The following BRI3BP variants were observed in gnomAD, a reference collection of about 807,000 sequenced individuals.
The protein encoded by BRI3BP is BRI3-binding protein.
In BRI3BP, 7 loss-of-function variants were observed where a neutral mutation model predicts 15.8. The ratio of observed to expected loss-of-function variants is 0.44; its 90% confidence interval spans 0.25 to 0.83. BRI3BP has a LOEUF of 0.83. Among genes scored for constraint, BRI3BP ranks in the 40% least tolerant of loss-of-function variants. The pLI is 0.20. For synonymous variants in BRI3BP, 192 were observed against 163.5 expected (o/e 1.17, Z -1.33); for missense variants, 320 against 339.3 (o/e 0.94, Z 0.45).
chr12:125,037,409 G>A, the BRI3BP span, among the ~76,000 whole-genome samples: 2 of 152,348 alleles, frequency 1.3e-5, no homozygotes, highest in South Asian at 2.1e-4. Flanking sequence ...TAGCAGATTG[G>A]CAACCTGTGG....
At chr12:125,009,283 C>CTTTTTTTTTTTTT (rs1217778458) in intron 1 of BRI3BP, among the ~76,000 whole-genome samples, 5 of 66,568 alleles carry the variant, frequency 7.5e-5, no homozygotes, top group African/African-American at 2.3e-4. Context: ...ACCCAGCCAT[C>CTTTTTTTTTTTTT]TTTTTTTTTT....
At chr12:125,035,023 C>T (rs530220896), downstream of BRI3BP, among the ~76,000 whole-genome samples, 1 of 152,304 alleles carries the variant, frequency 6.6e-6, no homozygotes, top group East Asian at 1.9e-4. Context: ...CAATAGTTCA[C>T]TCTTTTTCAT....
intron 2 of BRI3BP, among the ~76,000 whole-genome samples, chr12:125,021,823 C>G (rs964611402): frequency 6.6e-6 from 1 of 152,150 alleles, no homozygotes; most frequent in Non-Finnish European, 1.5e-5. Flanking sequence ...ATCCAATCAC[C>G]TCCTACCAGG....
At chr12:125,051,085 G>A in the BRI3BP span, among the ~76,000 whole-genome samples, 1 of 152,228 alleles carries the variant, frequency 6.6e-6, no homozygotes, top group Non-Finnish European at 1.5e-5. Flanking sequence ...TTAGAATCAA[G>A]ACAGCAGAGC....
downstream of BRI3BP, among the ~76,000 whole-genome samples, chr12:125,035,666 G>A (rs1446395219): frequency 6.6e-6 from 1 of 152,106 alleles, no homozygotes; most frequent in Non-Finnish European, 1.5e-5. Flanking sequence ...GATTACAGGT[G>A]TGAGCCGCCA....
intron 1 of BRI3BP, among the ~76,000 whole-genome samples, chr12:125,011,200 T>C (rs1375880885): frequency 1.3e-5 from 2 of 151,286 alleles, no homozygotes; most frequent in Non-Finnish European, 2.9e-5. Context: ...GGCAGCACTC[T>C]GCGTGATGCA....
the BRI3BP span, among the ~76,000 whole-genome samples, chr12:125,047,644 G>C: frequency 3.3e-5 from 5 of 152,014 alleles, no homozygotes; most frequent in African/African-American, 1.2e-4. Context: ...TTTAAGTGCT[G>C]GGATTACAGG....
intron 1 of BRI3BP, among the ~76,000 whole-genome samples, chr12:124,996,457 G>A (rs151097056): frequency 1.8e-4 from 28 of 151,774 alleles, no homozygotes; most frequent in African/African-American, 6.0e-4. Flanking sequence ...GTGAGTAGCC[G>A]GGATTACAAG....
intron 2 of BRI3BP, 42 bp downstream of exon 2, chr12:125,012,678 T>C: frequency 6.8e-7 from 1 of 1,478,988 alleles, no homozygotes; most frequent in Non-Finnish European, 9.5e-7. Context: ...TCATTCTATT[T>C]TGGTGGTTCT....
At chr12:125,018,782 C>T (rs140431792) in intron 2 of BRI3BP, among the ~76,000 whole-genome samples, 20 of 151,596 alleles carry the variant, frequency 1.3e-4, no homozygotes, top group African/African-American at 4.4e-4. Context: ...TGAGTTCAAG[C>T]GATTCTAGTA....
Position 125,025,380 on chromosome 12 carries a change from A to G in BRI3BP, c.706A>G (p.Ile236Val), listed in dbSNP as rs770697023. 3.1e-6 allele frequency: 5 copies of G among 1,611,686 alleles called. No individual in the cohort carries two copies. In the Admixed American group the frequency reaches 6.7e-5, roughly 22 times the overall value. ...HLEKQVRLLN[I>V]RLNRVLESLD... ...GGAGAAGCAGGTCAGACTGCTCAAC[A>G]TCCGTCTCAACCGGGTGCTCGAGAG... Residue 236 changes from isoleucine to valine, a missense_variant, in exon 3 of 3, where the codon ATC (isoleucine) becomes GTC (valine). Transcript: ENST00000341446.
rs1182319789 is a variant in BRI3BP, at chr12:125,012,680, G to T, written c.316+44G>T. ...TTCACGTAAGGTGTCATTCTATTTT[G>T]GTGGTTCTCATAGTGTGGAACTGGT... On this transcript the variant is annotated intron_variant, in intron 2 of 2. Coordinates refer to ENST00000341446, the MANE Select transcript of BRI3BP (RefSeq NM_080626.6). The T allele has an allele frequency of 2.7e-6, 4 of 1,475,348 alleles. No individual in the cohort carries two copies. In the African/African-American group the frequency reaches 5.6e-5, roughly 21 times the overall value. The allele number at this position is 1,475,348 out of a possible 1,614,324, so 91.4% of individuals were successfully genotyped here.
chr12:125,014,043 G>A (rs1402379994), intron 2 of BRI3BP, among the ~76,000 whole-genome samples: 1 of 152,148 alleles, frequency 6.6e-6, no homozygotes, highest in Non-Finnish European at 1.5e-5. Flanking sequence ...TGCCCAGGGT[G>A]TACAGCTTTT....
downstream of BRI3BP, among the ~76,000 whole-genome samples, chr12:125,032,350 C>T (rs959925879): frequency 6.6e-6 from 1 of 152,048 alleles, no homozygotes; most frequent in Non-Finnish European, 1.5e-5. Context: ...CTCAGCTACT[C>T]GGGAGGCTAA....
At chr12:125,046,705 A>G in the BRI3BP span, among the ~76,000 whole-genome samples, 4 of 152,234 alleles carry the variant, frequency 2.6e-5, no homozygotes, top group Admixed American at 6.5e-5. Flanking sequence ...TGCTTATAGT[A>G]TCCTTTTCCT....
chr12:125,003,954 AAAACACAC>A (rs759291268), intron 1 of BRI3BP, among the ~76,000 whole-genome samples: 1,283 of 95,082 alleles, frequency 0.013, 14 homozygotes, highest in African/African-American at 0.048. Flanking sequence ...CTCCATCTCA[AAAACACAC>A]ACACACACAC....
intron 1 of BRI3BP, among the ~76,000 whole-genome samples, chr12:125,003,983 ACACACACACACACACACAC>A (rs1565902651): frequency 7.3e-5 from 11 of 151,054 alleles, no homozygotes; most frequent in Middle Eastern, 3.4e-3. Context: ...ACACACACAC[ACACACACACACACACACAC>A]AACACACAAT....
chr12:124,996,735 A>G (rs1001558031), intron 1 of BRI3BP, among the ~76,000 whole-genome samples: 1 of 148,956 alleles, frequency 6.7e-6, no homozygotes, highest in African/African-American at 2.5e-5. Flanking sequence ...GTTTAATGGT[A>G]TTTAAAAAAA....
intron 1 of BRI3BP, among the ~76,000 whole-genome samples, chr12:124,994,612 C>A (rs141203081): frequency 1.3e-5 from 2 of 152,152 alleles, no homozygotes; most frequent in Non-Finnish European, 2.9e-5. Flanking sequence ...GGGGAGGTCC[C>A]GGATCCTGCA....
Sources: gnomAD v4.1 joint callset for allele counts (sites outside exome capture counted in the v4.1 genomes callset) on GRCh38, gnomAD v4.1.1 for gene constraint, MANE v1.5 for transcripts, NCBI Gene and HGNC (gene_info 2026-07-23, HGNC 2026-07-21) for gene names.